TRIP12: variants seen among roughly 807,000 people sequenced by gnomAD.
The protein encoded by TRIP12 is thyroid hormone receptor interactor 12, also known as E3 ubiquitin-protein ligase TRIP12.
TRIP12 carries 25 observed loss-of-function variants against 244.2 expected under a neutral mutation model. The ratio of observed to expected loss-of-function variants is 0.10; its 90% CI spans 0.07 to 0.14. The LOEUF is 0.14. Ranked by LOEUF, TRIP12 falls within the 10% of genes least tolerant of loss-of-function variation. TRIP12 has a pLI of 1.00. For synonymous variants in TRIP12, 905 were observed against 873.1 expected (o/e 1.04, Z -0.64); for missense variants, 1,677 against 2,486.4 (o/e 0.67, Z 6.92).
chr2:229,838,735 G>A (rs1215774229), intron 5 of TRIP12, among the ~76,000 whole-genome samples: 2 of 152,110 alleles, frequency 1.3e-5, no homozygotes, highest in African/African-American at 4.8e-5. Context: ...AAACTAAGAA[G>A]TTTCTTCAGA....
At chr2:229,867,742 G>A (rs930305853) in intron 2 of TRIP12, among the ~76,000 whole-genome samples, 1 of 152,172 alleles carries the variant, frequency 6.6e-6, no homozygotes, top group African/African-American at 2.4e-5. Context: ...AATCCTCAGT[G>A]AGGGATATGA....
intron 2 of TRIP12, among the ~76,000 whole-genome samples, chr2:229,864,191 T>C (rs1412257955): frequency 6.6e-6 from 1 of 152,122 alleles, no homozygotes; most frequent in African/African-American, 2.4e-5. Flanking sequence ...ACCGGGCTGA[T>C]ATGTTAAAAA....
rs756644295 is a variant in TRIP12 at position 229,859,397 on chromosome 2, T to C, written c.402A>G (p.Pro134=). Residue 134 remains proline, a synonymous_variant, in exon 4 of 42, where the codon CCA becomes CCG. Transcript: ENST00000675903. ...RTNSPSSAKK[P]KALQHTESPS... ...GAGATTCAGTATGCTGAAGTGCTTT[T>C]GGTTTTTTTGCAGAGCTAGGAGAAT... The C allele has an allele frequency of 1.2e-6, 2 of 1,614,206 alleles. No individual in the cohort carries two copies. Among genetic ancestry groups the C allele is most frequent in the Non-Finnish European group, 1.7e-6 (2 of 1,180,028 alleles).
At chr2:229,831,941 C>A (rs1222985287) in intron 6 of TRIP12, among the ~76,000 whole-genome samples, 1 of 142,674 alleles carries the variant, frequency 7.0e-6, no homozygotes, top group African/African-American at 2.6e-5. Flanking sequence ...TTCCACAATA[C>A]CTTAAGCCCT....
At chr2:229,788,523 C>T (rs2040637599) in intron 32 of TRIP12, among the ~76,000 whole-genome samples, 1 of 152,192 alleles carries the variant, frequency 6.6e-6, no homozygotes, top group African/African-American at 2.4e-5. Flanking sequence ...CTTTGGAATC[C>T]AATTCCATGA....
Position 229,866,415 on chromosome 2 carries a change from A to G in TRIP12, c.99-5884T>C, listed in dbSNP as rs2061516278. On this transcript the variant is annotated intron_variant, in intron 2 of 41. Coordinates refer to ENST00000675903, the MANE Select transcript of TRIP12 (RefSeq NM_001348323.3). Reference sequence around the variant, plus strand: ...ACTGTGTCCAAGCATTTACCTATTGAGATGTTATTTTTGTTATCAACTATT... The same window carrying G: ...ACTGTGTCCAAGCATTTACCTATTGGGATGTTATTTTTGTTATCAACTATT... Among the ~76,000 whole-genome samples the G allele has an allele frequency of 5.3e-5, 8 of 152,220 alleles. No homozygotes were observed. In the South Asian group the frequency reaches 1.7e-3, roughly 32 times the overall value.
intron 17 of TRIP12, among the ~76,000 whole-genome samples, chr2:229,806,776 G>C (rs565576098): frequency 2.8e-4 from 42 of 152,074 alleles, no homozygotes; most frequent in Non-Finnish European, 5.3e-4. Context: ...GTAAGTCATT[G>C]GTTTAAAATT....
chr2:229,823,009 C>T (rs754805775), intron 8 of TRIP12, among the ~76,000 whole-genome samples: 8 of 152,098 alleles, frequency 5.3e-5, no homozygotes, highest in Admixed American at 1.3e-4. Context: ...AGTTTTCCAA[C>T]TAGGCAAAGA....
Position 229,811,006 on chromosome 2 carries a change from T to C in TRIP12, c.2095A>G (p.Asn699Asp), listed in dbSNP as rs2154278593. The C allele has an allele frequency of 1.9e-6, 3 of 1,614,104 alleles. No individual in the cohort carries two copies. The East Asian group carries it at 6.7e-5, about 36-fold the overall frequency. Residue 699 changes from asparagine to aspartate, a missense_variant, in exon 15 of 42, where the codon AAT becomes GAT. By Grantham distance (23) the Asn-to-Asp change is conservative. Transcript: ENST00000675903. ...QQVASKDLLT[N>D]VQQLLVVTPP... ...GTCACTACCAACAGCTGTTGAACAT[T>C]TGTAAGCAGATCTTTGGAAGCAACC...
rs1400052350 is a variant in TRIP12, at chr2:229,779,767, T to TG, written c.5095-778dup. On this transcript the variant is annotated intron_variant, in intron 34 of 41. Coordinates refer to ENST00000675903, the MANE Select transcript of TRIP12 (RefSeq NM_001348323.3). ...CAGGTACAGCTTAGAGCCTGGGCAC[T>TG]GGTATTATTAAACAAGTTCTGAAGG... is the stretch of plus-strand genomic sequence containing the variant. 2.0e-5 allele frequency among the ~76,000 whole-genome samples: 3 copies of TG among 152,156 alleles called. No homozygotes were observed. The East Asian group carries it at 5.8e-4, about 29-fold the overall frequency.
At chr2:229,868,056 A>C (rs1032422480) in intron 2 of TRIP12, among the ~76,000 whole-genome samples, 1 of 152,192 alleles carries the variant, frequency 6.6e-6, no homozygotes, top group African/African-American at 2.4e-5. Context: ...GCCTGATGGG[A>C]CAGACTAGTT....
At chr2:229,864,190 A>AT (rs2061095515) in intron 2 of TRIP12, among the ~76,000 whole-genome samples, 1 of 152,152 alleles carries the variant, frequency 6.6e-6, no homozygotes, top group Admixed American at 6.6e-5. Flanking sequence ...AACCGGGCTG[A>AT]TATGTTAAAA....
chr2:229,912,312 TTTTA>T (rs1226021248), intron 1 of TRIP12, among the ~76,000 whole-genome samples: 1 of 152,238 alleles, frequency 6.6e-6, no homozygotes, highest in Non-Finnish European at 1.5e-5. Context: ...CTAAAAGCAC[TTTTA>T]TTTTTGTTTT....
intron 8 of TRIP12, among the ~76,000 whole-genome samples, chr2:229,822,130 G>T (rs1446125724): frequency 6.6e-6 from 1 of 152,188 alleles, no homozygotes. Flanking sequence ...ACAAGAGCGA[G>T]ACTCCGTCTC....
In TRIP12 at chr2:229,766,341, T is replaced by C. The variant is rs974453424; in HGVS notation, c.*1213A>G. 7 of 152,326 alleles carry C rather than the reference T, an allele frequency of 4.6e-5. No individual in the cohort carries two copies. The highest frequency in any genetic ancestry group is 3.4e-3 in the Middle Eastern group (1 of 294). 9.4% of individuals were successfully genotyped at this position (152,326 alleles called of 1,614,324 possible). On this transcript the variant is annotated 3_prime_UTR_variant, in exon 42 of 42. Transcript: ENST00000675903. Reference sequence around the variant, plus strand: ...CTTGCATTGAAATACATCTATACAATTGAAAGTTATGCATACAGCACAAAA... The same window carrying C: ...CTTGCATTGAAATACATCTATACAACTGAAAGTTATGCATACAGCACAAAA...
At chr2:229,891,151 T>C (rs2067252383) in intron 1 of TRIP12, among the ~76,000 whole-genome samples, 1 of 152,056 alleles carries the variant, frequency 6.6e-6, no homozygotes, top group Non-Finnish European at 1.5e-5. Flanking sequence ...CTGGGCGCAG[T>C]GGCTGACACC....
intron 1 of TRIP12, among the ~76,000 whole-genome samples, chr2:229,886,524 C>T (rs1463923389): frequency 6.6e-6 from 1 of 151,270 alleles, no homozygotes; most frequent in African/African-American, 2.4e-5. Context: ...TGCAATGGCG[C>T]GATCTCGGTT....
intron 28 of TRIP12, 39 bp downstream of exon 28, chr2:229,792,114 A>T (rs1181442243): frequency 2.5e-6 from 4 of 1,614,086 alleles, no homozygotes; most frequent in Non-Finnish European, 3.4e-6. Context: ...CCTGAACTTT[A>T]TATAGTACAT....
Position 229,789,746 on chromosome 2 carries a change from T to G in TRIP12, c.4560A>C (p.Ser1520=). The change falls in exon 31 of 42, where the codon TCA becomes TCC. Residue 1520 remains serine (S), a synonymous_variant. Transcript: ENST00000675903. ...DELWHDGVCP[S]VSNPLEVYLI... ...GGTAAACTTCTAAAGGATTTGATACTGATGGGCACACTCCATCTAAAGGAC... is the reference window on the plus strand; with the variant it reads ...GGTAAACTTCTAAAGGATTTGATACGGATGGGCACACTCCATCTAAAGGAC... 3 of 1,614,002 alleles carry G rather than the reference T, an allele frequency of 1.9e-6. No individual in the cohort carries two copies. The highest frequency in any genetic ancestry group is 2.5e-6 in the Non-Finnish European group (3 of 1,179,940).
Sources: gnomAD v4.1 joint callset for allele counts (sites outside exome capture counted in the v4.1 genomes callset) on GRCh38, gnomAD v4.1.1 for gene constraint, MANE v1.5 for transcripts, NCBI Gene and HGNC (gene_info 2026-07-23, HGNC 2026-07-21) for gene names.